The following MYH10 variants were observed in gnomAD, a reference collection of about 807,000 sequenced individuals.
MYH10 encodes myosin-10.
In MYH10, 55 loss-of-function variants were observed where a neutral mutation model predicts 257.8. That is an observed-to-expected ratio of 0.21 (90% CI 0.17 to 0.27). The LOEUF is 0.27. Among genes scored for constraint, MYH10 ranks in the 10% least tolerant of loss-of-function variants. The pLI is 1.00. For synonymous variants in MYH10, 854 were observed against 921.7 expected, an observed-to-expected ratio of 0.93 and a Z score of 1.33; for missense variants, 1,631 against 2,500.6, an observed-to-expected ratio of 0.65 and a Z score of 7.42.
At chr17:8,521,438 C>T in intron 17 of MYH10, 153 bp from the exon 18 acceptor site, 1 of 718,786 alleles carries the variant, frequency 1.4e-6, no homozygotes, top group East Asian at 2.7e-5. Flanking sequence ...TTAGGCACTG[C>T]ACAAGCCGGG....
chr17:8,484,559 A>G (rs1482094070), intron 36 of MYH10, among the ~76,000 whole-genome samples: 5 of 152,238 alleles, frequency 3.3e-5, no homozygotes, highest in Non-Finnish European at 7.3e-5. Flanking sequence ...GAAATCCCTT[A>G]TGAATACAAA....
chr17:8,495,407 C>G (rs552019093), intron 30 of MYH10, among the ~76,000 whole-genome samples, 166 bp from the exon 31 acceptor site: 1 of 152,228 alleles, frequency 6.6e-6, no homozygotes. Context: ...TGCCTTCAAA[C>G]GGAGCTCAAA....
At chr17:8,592,969 A>ATATATATATATG (rs2084228091) in intron 3 of MYH10, among the ~76,000 whole-genome samples, 1 of 129,402 alleles carries the variant, frequency 7.7e-6, no homozygotes, top group Non-Finnish European at 1.7e-5. Context: ...ATATATATAT[A>ATATATATATATG]TAAAAGATGA....
intron 28 of MYH10, 31 bp from the exon 29 acceptor site, chr17:8,501,001 G>A (rs201181571): frequency 2.9e-5 from 46 of 1,587,174 alleles, no homozygotes; most frequent in Non-Finnish European, 3.8e-5. Flanking sequence ...AGAGAGATCA[G>A]AATTAGCTGA....
Position 8,545,690 on chromosome 17 carries a change from C to A in MYH10, c.1279-90G>T. On this transcript the variant is annotated intron_variant, in intron 12 of 42. Coordinates refer to ENST00000360416, the MANE Select transcript of MYH10 (RefSeq NM_001256012.3). This position sits in a 1 kb window ranked among gnomAD's most constrained non-coding sequence, Gnocchi z 4.7. ...TTACGGAATTTAATGTTATACAGCA[C>A]TCAAAAAACCTGAGATGGCATTCAC... 1 of 1,307,194 alleles carries A rather than the reference C, an allele frequency of 7.6e-7. No homozygotes were observed. The highest frequency in any genetic ancestry group is 1.0e-6 in the Non-Finnish European group (1 of 958,172). The allele number at this position is 1,307,194 out of a possible 1,614,324, so 81.0% of individuals were successfully genotyped here. A position where few individuals can be genotyped will look rare whatever the true frequency, so the allele number is the denominator to read the frequency against.
In MYH10 at chr17:8,577,271, A is replaced by G; in HGVS notation, c.598T>C (p.Ser200Pro). Reference protein sequence around the residue: ...KVIQYLAHVASSHKGRKDHNI... With the variant: ...KVIQYLAHVAPSHKGRKDHNI... ...TGGTCCTTTCTTCCTTTATGTGAAG[A>G]AGCAACATGGGCAAGGTACTGAATA... The change falls in exon 5 of 43, where the codon TCT (serine) becomes CCT (proline). Residue 200 changes from serine to proline, a missense_variant. This residue lies in a region of MYH10 where 360 missense variants were observed against 581.9 expected (regional missense o/e 0.62). Coordinates refer to ENST00000360416, the MANE Select transcript of MYH10 (RefSeq NM_001256012.3). 1 of 1,612,620 alleles carries G rather than the reference A, an allele frequency of 6.2e-7. No homozygotes were observed. Among genetic ancestry groups the G allele is most frequent in the Non-Finnish European group, 8.5e-7 (1 of 1,178,996 alleles).
intron 30 of MYH10, 98 bp downstream of exon 30, chr17:8,499,172 C>T: frequency 2.5e-6 from 3 of 1,204,764 alleles, no homozygotes; most frequent in Non-Finnish European, 3.5e-6. Context: ...TGTCGCACAG[C>T]ACATTGGCCA....
intron 30 of MYH10, 31 bp from the exon 31 acceptor site, chr17:8,495,272 A>C: frequency 7.4e-7 from 1 of 1,351,434 alleles, no homozygotes; most frequent in Non-Finnish European, 1.1e-6. Flanking sequence ...AATTCAACTC[A>C]ATAGTAAGCA....
intron 4 of MYH10, among the ~76,000 whole-genome samples, chr17:8,583,782 T>C (rs2083798109): frequency 6.6e-6 from 1 of 152,200 alleles, no homozygotes; most frequent in South Asian, 2.1e-4. Context: ...TAAGATTCCT[T>C]TACAAAAACA....
chr17:8,630,105 G>A (rs1464607051), intron 1 of MYH10, among the ~76,000 whole-genome samples: 1 of 151,836 alleles, frequency 6.6e-6, no homozygotes, highest in African/African-American at 2.4e-5. Flanking sequence ...AACCCACGCA[G>A]GGGCCCTTCC....
rs1431289988 is a variant in MYH10 at position 8,492,288 on chromosome 17, G to A, written c.4671+9C>T. The A allele has an allele frequency of 6.2e-7, 1 of 1,610,322 alleles. No individual in the cohort carries two copies. Among genetic ancestry groups the A allele is most frequent in the Admixed American group, 1.7e-5 (1 of 60,026 alleles). On this transcript the variant is annotated intron_variant, in intron 34 of 42. Transcript: ENST00000360416. Reference sequence around the variant, plus strand: ...CGTGCGGAAGTGTGGAGCCCACCAGGCGACTTACGTTTTTTCCCACATCAT... The same window carrying A: ...CGTGCGGAAGTGTGGAGCCCACCAGACGACTTACGTTTTTTCCCACATCAT...
At chr17:8,625,117 G>A (rs939844983) in intron 1 of MYH10, among the ~76,000 whole-genome samples, 3 of 152,256 alleles carry the variant, frequency 2.0e-5, no homozygotes, top group African/African-American at 4.8e-5. Context: ...CAGGCGTGGT[G>A]GTGGGTGCCT....
intron 35 of MYH10, among the ~76,000 whole-genome samples, chr17:8,488,839 C>G (rs1915305194): frequency 6.6e-6 from 1 of 152,152 alleles, no homozygotes; most frequent in Admixed American, 6.5e-5. Flanking sequence ...CCTCAAGGCA[C>G]AGGATAGCAG....
chr17:8,515,274 G>C (rs1187027956), intron 21 of MYH10, among the ~76,000 whole-genome samples: 1 of 152,120 alleles, frequency 6.6e-6, no homozygotes, highest in African/African-American at 2.4e-5. Flanking sequence ...AAAACATTTT[G>C]AATTATTCAT....
chr17:8,598,130 T>C (rs1221246000), intron 3 of MYH10, among the ~76,000 whole-genome samples: 5 of 152,142 alleles, frequency 3.3e-5, no homozygotes, highest in African/African-American at 1.2e-4. Context: ...TACAGTCGCA[T>C]GCCACCCTAG....
chr17:8,494,657 A>C (rs915169681), intron 31 of MYH10, among the ~76,000 whole-genome samples: 2 of 152,204 alleles, frequency 1.3e-5, no homozygotes, highest in African/African-American at 4.8e-5. Context: ...GTGCTACATT[A>C]TTTTCAAGTA....
intron 7 of MYH10, among the ~76,000 whole-genome samples, chr17:8,566,903 A>G (rs2083182734): frequency 6.6e-6 from 1 of 152,208 alleles, no homozygotes; most frequent in African/African-American, 2.4e-5. Context: ...GCTTAGTAGC[A>G]ATTTATCTTT....
intron 4 of MYH10, among the ~76,000 whole-genome samples, chr17:8,583,131 G>A (rs2083770938): frequency 6.6e-6 from 1 of 152,094 alleles, no homozygotes; most frequent in Non-Finnish European, 1.5e-5. Flanking sequence ...TACCTCATCA[G>A]GTCTTGGATA....
At chr17:8,554,291 T>C in intron 7 of MYH10, 1 of 214,268 alleles carries the variant, frequency 4.7e-6, no homozygotes, top group Non-Finnish European at 9.3e-6. Flanking sequence ...CAGAAGTTTT[T>C]AAAAGCTCTT....
Sources: gnomAD v4.1 joint callset for allele counts (sites outside exome capture counted in the v4.1 genomes callset) on GRCh38, gnomAD v4.1.1 for gene constraint, gnomAD v4.1.1 regional missense constraint, Gnocchi (gnomAD v3.1) non-coding constraint, MANE v1.5 for transcripts, NCBI Gene and HGNC (gene_info 2026-07-23, HGNC 2026-07-21) for gene names.